The following SQLE variants were observed in gnomAD, a reference collection of about 807,000 sequenced individuals.
The protein encoded by SQLE is squalene monooxygenase.
A neutral mutation model predicts 60.7 loss-of-function variants in SQLE; 29 were observed. The ratio of observed to expected loss-of-function variants is 0.48; its 90% CI spans 0.36 to 0.65. The LOEUF (loss-of-function observed/expected upper bound fraction) is 0.65, where lower values mean the gene tolerates loss of function less well. Among genes scored for constraint, SQLE ranks in the 30% least tolerant of loss-of-function variants. The pLI, the probability that SQLE is intolerant of heterozygous loss-of-function variation, is 0.00. For missense variants in SQLE, 605 were observed against 684.1 expected, an observed-to-expected ratio of 0.88 and a Z score of 1.29; for synonymous variants, 237 against 246.8, an observed-to-expected ratio of 0.96 and a Z score of 0.37.
intron 7 of SQLE, among the ~76,000 whole-genome samples, chr8:125,013,356 C>CTTTGTCTTTTTTT (rs1815066264): frequency 7.3e-6 from 1 of 136,450 alleles, no homozygotes; most frequent in African/African-American, 2.8e-5. Flanking sequence ...TTTTCTTTTT[C>CTTTGTCTTTTTTT]TTTTTTTTTT....
intron 1 of SQLE, chr8:125,000,106 T>A (rs1399415038): frequency 6.6e-6 from 3 of 455,792 alleles, no homozygotes; most frequent in Non-Finnish European, 1.3e-5. Context: ...GACAGCTGAC[T>A]GGGGAAAGTG....
intron 2 of SQLE, among the ~76,000 whole-genome samples, chr8:125,004,458 A>G (rs1037814112): frequency 6.6e-6 from 1 of 152,092 alleles, no homozygotes; most frequent in African/African-American, 2.4e-5. Context: ...TATATTTTCT[A>G]AAATATAATA....
intron 7 of SQLE, among the ~76,000 whole-genome samples, chr8:125,014,756 C>T (rs913197749): frequency 2.6e-5 from 4 of 152,108 alleles, no homozygotes; most frequent in Non-Finnish European, 5.9e-5. Flanking sequence ...AGTTTTATTC[C>T]ACTGTGGTCA....
rs759360274 is a variant in SQLE, at chr8:124,999,511, C to T, written c.108C>T (p.Leu36=). 11 of 1,609,436 alleles carry T rather than the reference C, an allele frequency of 6.8e-6. No individual in the cohort carries two copies. The Admixed American group carries it at 1.4e-4, about 20-fold the overall frequency. Residue 36 remains leucine, a synonymous_variant, in exon 1 of 11, where the codon CTC becomes CTT. Coordinates refer to ENST00000265896, the MANE Select transcript of SQLE (RefSeq NM_003129.4). ...TCCTGTTGTGCGTGCTGGTGTTCCTCTCGCTGGGCCTGGTGCTCTCCTACC... is the reference window on the plus strand; with the variant it reads ...TCCTGTTGTGCGTGCTGGTGTTCCTTTCGCTGGGCCTGGTGCTCTCCTACC... ...REVLLCVLVF[L]SLGLVLSYRC...
chr8:124,999,821 T>A, intron 1 of SQLE, 127 bp downstream of exon 1: 1 of 1,187,580 alleles, frequency 8.4e-7, no homozygotes, highest in African/African-American at 1.5e-5. Flanking sequence ...TCTCATGTAT[T>A]TTTTATTTTA....
In SQLE at chr8:125,022,159, TAGAC is replaced by T; in HGVS notation, c.*216_*219del. On this transcript the variant is annotated 3_prime_UTR_variant, in exon 11 of 11. Coordinates refer to ENST00000265896, the MANE Select transcript of SQLE (RefSeq NM_003129.4). ...TTTAAAATGAAGGGGTTAAATAAGT[TAGAC>T]ATTTAAAAGAAATGATTGTTACCAT... 1 of 338,458 alleles carries T rather than the reference TAGAC, an allele frequency of 3.0e-6. No homozygotes were observed. The allele number at this position is 338,458 out of a possible 1,614,324, so 21.0% of individuals were successfully genotyped here.
chr8:125,021,068 AGGT>A, intron 10 of SQLE, 197 bp downstream of exon 10: 1 of 502,362 alleles, frequency 2.0e-6, no homozygotes, highest in Non-Finnish European at 3.6e-6. Flanking sequence ...CAGCAGTTAA[AGGT>A]GGTGGTAGAG....
intron 9 of SQLE, among the ~76,000 whole-genome samples, chr8:125,019,416 C>A (rs1815165074): frequency 6.6e-6 from 1 of 151,772 alleles, no homozygotes; most frequent in Non-Finnish European, 1.5e-5. Context: ...AAGACCCCAT[C>A]TCTACAAAAA....
intron 4 of SQLE, among the ~76,000 whole-genome samples, 169 bp from the exon 5 acceptor site, chr8:125,008,802 C>T (rs761999079): frequency 5.9e-5 from 9 of 152,134 alleles, no homozygotes; most frequent in African/African-American, 1.7e-4. Context: ...ACTGGTCATG[C>T]GTTATCTGAA....
intron 1 of SQLE, among the ~76,000 whole-genome samples, chr8:125,002,468 G>T (rs751424441): frequency 6.6e-6 from 1 of 152,042 alleles, no homozygotes; most frequent in African/African-American, 2.4e-5. Flanking sequence ...ACCTGAGGTC[G>T]GGAGTTCAAG....
intron 4 of SQLE, among the ~76,000 whole-genome samples, chr8:125,008,516 A>C (rs980997409): frequency 5.3e-5 from 8 of 152,344 alleles, no homozygotes; most frequent in Middle Eastern, 3.4e-3. Context: ...TTCTCTGCTC[A>C]TACTGTAGTA....
chr8:125,018,295 G>C, intron 8 of SQLE, 94 bp downstream of exon 8: 1 of 1,280,092 alleles, frequency 7.8e-7, no homozygotes, highest in Non-Finnish European at 1.1e-6. Flanking sequence ...CTGTACTAAG[G>C]AACCTGATGC....
Position 124,998,572 on chromosome 8 carries a change from C to T in SQLE, c.-832C>T, listed in dbSNP as rs1563593660. 3 of 685,264 alleles carry T rather than the reference C, an allele frequency of 4.4e-6. No homozygotes were observed. The highest frequency in any genetic ancestry group is 8.0e-6 in the Non-Finnish European group (3 of 377,300). The allele number at this position is 685,264 out of a possible 1,614,324, so 42.4% of individuals were successfully genotyped here. A position where few individuals can be genotyped will look rare whatever the true frequency, so the allele number is the denominator to read the frequency against. On this transcript the variant is annotated 5_prime_UTR_variant, in exon 1 of 11. Transcript: ENST00000265896. ...TACTCTGGTTACTGGGGCCGCGCCG[C>T]GCTGGCGAGAGCCGCCGCCCGCGAG...
At chr8:125,005,466 T>C (rs956848170) in intron 2 of SQLE, 59 bp from the exon 3 acceptor site, 10 of 1,414,906 alleles carry the variant, frequency 7.1e-6, no homozygotes, top group Non-Finnish European at 8.5e-6. Context: ...TCTTTGGTTC[T>C]TAGTTTAACG....
intron 1 of SQLE, 28 bp downstream of exon 1, chr8:124,999,722 A>C (rs1294031268): frequency 3.9e-6 from 6 of 1,542,316 alleles, no homozygotes; most frequent in Non-Finnish European, 4.4e-6. Context: ...CGGGCAGATG[A>C]ATGTCTTATT....
chr8:125,017,433 T>C (rs1815126841), intron 7 of SQLE, among the ~76,000 whole-genome samples: 1 of 152,066 alleles, frequency 6.6e-6, no homozygotes, highest in African/African-American at 2.4e-5. Flanking sequence ...GCCTGGCTGC[T>C]GCTGGTGTTC....
In SQLE at chr8:125,018,079, G is replaced by A. The variant is rs774489924; in HGVS notation, c.1225G>A (p.Ala409Thr). 8.1e-6 allele frequency: 13 copies of A among 1,613,392 alleles called. No homozygotes were observed. Among genetic ancestry groups the A allele is most frequent in the African/African-American group, 5.3e-5 (4 of 74,860 alleles). The stretch of plus-strand genomic sequence containing the variant: ...CATAGGTGTTCTTCTTTTGGGAGAC[G>A]CATATAATATGAGGCATCCACTTAC... ...KKRGVLLLGDAYNMRHPLTGG... is the reference protein window; with the variant it reads ...KKRGVLLLGDTYNMRHPLTGG... Residue 409 changes from alanine (A) to threonine (T), a missense_variant, in exon 8 of 11, where the codon GCA becomes ACA. Ala to Thr is a moderately conservative substitution (Grantham distance 58, BLOSUM62 0). Transcript: ENST00000265896.
intron 7 of SQLE, among the ~76,000 whole-genome samples, chr8:125,011,905 C>CA (rs1815045548): frequency 8.7e-6 from 1 of 114,562 alleles, no homozygotes; most frequent in Non-Finnish European, 1.8e-5. Flanking sequence ...GATAATTTTA[C>CA]AACACTGTTG....
At chr8:125,019,412 C>G (rs980930569) in intron 9 of SQLE, among the ~76,000 whole-genome samples, 5 of 151,736 alleles carry the variant, frequency 3.3e-5, no homozygotes, top group African/African-American at 1.2e-4. Flanking sequence ...AAGCAAGACC[C>G]CATCTCTACA....
Sources: gnomAD v4.1 joint callset for allele counts (sites outside exome capture counted in the v4.1 genomes callset) on GRCh38, gnomAD v4.1.1 for gene constraint, MANE v1.5 for transcripts, NCBI Gene and HGNC (gene_info 2026-07-23, HGNC 2026-07-21) for gene names.